The following CMIP variants were observed in gnomAD, a reference collection of about 807,000 sequenced individuals.
The protein encoded by CMIP is c-Maf inducing protein.
CMIP carries 13 observed loss-of-function variants against 97.3 expected under a neutral mutation model. The observed-to-expected ratio is 0.13, with a 90% CI of 0.09 to 0.21. The LOEUF (loss-of-function observed/expected upper bound fraction) is 0.21. Ranked by LOEUF, CMIP falls within the 10% of genes least tolerant of loss-of-function variation. CMIP has a pLI of 1.00. For missense variants in CMIP, 847 were observed against 1,024.9 expected (o/e 0.83, Z 2.37); for synonymous variants, 538 against 436.3 (o/e 1.23, Z -2.91).
At chr16:81,579,382 C>G (rs991675646) in intron 1 of CMIP, among the ~76,000 whole-genome samples, 1 of 152,184 alleles carries the variant, frequency 6.6e-6, no homozygotes, top group African/African-American at 2.4e-5. Context: ...CAAATCCAGC[C>G]CCTTCCTCTG....
At chr16:81,471,503 T>C (rs1003482038) in intron 1 of CMIP, among the ~76,000 whole-genome samples, 6 of 152,168 alleles carry the variant, frequency 3.9e-5, no homozygotes, top group South Asian at 2.1e-4. Context: ...GGCATACATA[T>C]ACACATGTGC....
At chr16:81,456,288 G>T (rs542540776) in intron 1 of CMIP, among the ~76,000 whole-genome samples, 1 of 152,286 alleles carries the variant, frequency 6.6e-6, no homozygotes, top group African/African-American at 2.4e-5. Flanking sequence ...AGACCTTTAG[G>T]CGTGTGCGCA....
intron 3 of CMIP, among the ~76,000 whole-genome samples, chr16:81,636,793 G>A (rs960817174): frequency 3.3e-5 from 5 of 151,694 alleles, no homozygotes; most frequent in African/African-American, 7.3e-5. Flanking sequence ...GTCCTCCCCC[G>A]AGCCACTTCC....
intron 1 of CMIP, among the ~76,000 whole-genome samples, chr16:81,484,720 C>T (rs1221653669): frequency 2.0e-5 from 3 of 152,156 alleles, no homozygotes; most frequent in Non-Finnish European, 4.4e-5. Context: ...ATCCAGTACT[C>T]GGCGTGCTCT....
At position 81,614,726 on chromosome 16, in the gene CMIP, CAT is replaced by C. The variant is rs554540322; in HGVS notation, c.427-6149_427-6148del. On this transcript the variant is annotated intron_variant, in intron 2 of 20. Coordinates refer to ENST00000537098, the MANE Select transcript of CMIP (RefSeq NM_198390.3). This position sits in a 1 kb window ranked among gnomAD's most constrained non-coding sequence, Gnocchi z 5.3. The stretch of plus-strand genomic sequence containing the variant: ...GTATGTCTGCATGTGTGTGCGTACA[CAT>C]GTGTGTCTCTGTGAGTGTGTATGTG... Among the ~76,000 whole-genome samples, 128 of 150,542 alleles carry C rather than the reference CAT, an allele frequency of 8.5e-4. No homozygotes were observed. The highest frequency in any genetic ancestry group is 3.8e-3 in the South Asian group (18 of 4,704).
rs1053039129 is a variant in CMIP at position 81,652,794 on chromosome 16, G to A, written c.639+430G>A. 6.6e-6 allele frequency among the ~76,000 whole-genome samples: 1 copy of A among 152,200 alleles called. No homozygotes were observed. Among genetic ancestry groups the A allele is most frequent in the African/African-American group, 2.4e-5 (1 of 41,446 alleles). On this transcript the variant is annotated intron_variant, in intron 4 of 20. Coordinates refer to ENST00000537098, the MANE Select transcript of CMIP (RefSeq NM_198390.3). The surrounding 1 kb of genome is among the most constrained non-coding windows in gnomAD (Gnocchi z 5.2). ...TTTCACAGTACAGTGGGAATTTCCA[G>A]GTTCTCTTTAAAAACAATCAGAAAA...
intron 10 of CMIP, among the ~76,000 whole-genome samples, chr16:81,682,769 G>A (rs1409295280): frequency 2.6e-5 from 4 of 152,214 alleles, no homozygotes; most frequent in Admixed American, 1.3e-4. Flanking sequence ...CAGTTGCTGC[G>A]TGTTCCCATA....
chr16:81,582,664 C>CT lies in CMIP; in HGVS notation c.301-24902dup, dbSNP rs556481423. On this transcript the variant is annotated intron_variant, in intron 1 of 20. Coordinates refer to ENST00000537098, the MANE Select transcript of CMIP (RefSeq NM_198390.3). ...CCAAAGTCACGGTGGCTGCCACACT[C>CT]TAACTCTTTGGTTGCATTCCCAGCA... 5.3e-3 allele frequency among the ~76,000 whole-genome samples: 805 copies of CT among 152,268 alleles called. 7 individuals are homozygous for CT. Among genetic ancestry groups the CT allele is most frequent in the Middle Eastern group, 0.034 (10 of 294 alleles).
intron 1 of CMIP, among the ~76,000 whole-genome samples, chr16:81,592,367 T>G (rs2091478998): frequency 6.6e-6 from 1 of 152,102 alleles, no homozygotes. Flanking sequence ...AAACTCTGGC[T>G]CCTTGTGCTG....
intron 1 of CMIP, 100 bp from the exon 2 acceptor site, chr16:81,607,467 G>C (rs1256658895): frequency 1.4e-6 from 2 of 1,470,992 alleles, no homozygotes; most frequent in African/African-American, 2.8e-5. Context: ...CCATTTGCCT[G>C]TCGCCAGAGG....
At chr16:81,667,799 AGTGTGTGTGTGT>A (rs71146027) in intron 7 of CMIP, among the ~76,000 whole-genome samples, 14 of 58,096 alleles carry the variant, frequency 2.4e-4, no homozygotes, top group African/African-American at 9.9e-4. Flanking sequence ...AGAGAGAGAG[AGTGTGTGTGTGT>A]GTGTGTGTGT....
intron 1 of CMIP, among the ~76,000 whole-genome samples, chr16:81,528,594 T>C (rs2090175725): frequency 6.6e-6 from 1 of 152,226 alleles, no homozygotes; most frequent in Non-Finnish European, 1.5e-5. Context: ...TGGCTAATTC[T>C]GGTAACTATT....
chr16:81,503,945 T>C (rs1239786391), intron 1 of CMIP, among the ~76,000 whole-genome samples: 1 of 152,234 alleles, frequency 6.6e-6, no homozygotes. Flanking sequence ...CCATGGACTT[T>C]ATATTTAAAT....
chr16:81,612,198 C>T (rs1163900321), intron 2 of CMIP, among the ~76,000 whole-genome samples: 1 of 152,246 alleles, frequency 6.6e-6, no homozygotes, highest in Non-Finnish European at 1.5e-5. Context: ...CGCAGATCAT[C>T]TTCTGGGGGA....
intron 1 of CMIP, among the ~76,000 whole-genome samples, chr16:81,447,032 A>G (rs889027248): frequency 1.1e-4 from 16 of 152,150 alleles, no homozygotes; most frequent in Non-Finnish European, 4.4e-5. Context: ...AGGCTGGTGC[A>G]TGTTCTCAAG....
chr16:81,527,744 G>A (rs1476799532), intron 1 of CMIP, among the ~76,000 whole-genome samples: 1 of 152,198 alleles, frequency 6.6e-6, no homozygotes, highest in Non-Finnish European at 1.5e-5. Flanking sequence ...GTGTTTGTGA[G>A]CTTCATCTAC....
chr16:81,691,940 G>A (rs902346554), intron 11 of CMIP, 100 bp downstream of exon 11: 9 of 1,059,126 alleles, frequency 8.5e-6, no homozygotes, highest in Admixed American at 1.9e-5. Context: ...ATGGGGAAGC[G>A]AAGTCACAGC....
Position 81,519,878 on chromosome 16 carries a change from C to A in CMIP, c.300+74337C>A, listed in dbSNP as rs142920646. 208 of 152,244 alleles carry A rather than the reference C, an allele frequency of 1.4e-3. 3 individuals are homozygous for A. Among genetic ancestry groups the A allele is most frequent in the Middle Eastern group, 3.4e-3 (1 of 294 alleles). 9.4% of individuals were successfully genotyped at this position (152,244 alleles called of 1,614,324 possible). A position where few individuals can be genotyped will look rare whatever the true frequency, so the allele number is the denominator to read the frequency against. ...TTGAAGGCTTTGTCATCCTGAATGG[C>A]GACGAATGGGAAGTGAGCTCTGAAA... is the stretch of plus-strand genomic sequence containing the variant. On this transcript the variant is annotated intron_variant, in intron 1 of 20. Transcript: ENST00000537098.
chr16:81,447,709 T>C (rs1328291478), intron 1 of CMIP, among the ~76,000 whole-genome samples: 1 of 152,246 alleles, frequency 6.6e-6, no homozygotes, highest in Non-Finnish European at 1.5e-5. Context: ...CCCTTTCCGC[T>C]GCCTTTCGTC....
Sources: gnomAD v4.1 joint callset for allele counts (sites outside exome capture counted in the v4.1 genomes callset) on GRCh38, gnomAD v4.1.1 for gene constraint, Gnocchi (gnomAD v3.1) non-coding constraint, MANE v1.5 for transcripts, NCBI Gene and HGNC (gene_info 2026-07-23, HGNC 2026-07-21) for gene names.